Variants in ACSS3 observed in about 807,000 individuals in gnomAD.
The protein encoded by ACSS3 is acyl-CoA synthetase short chain family member 3.
A neutral mutation model predicts 84.2 loss-of-function variants in ACSS3; 64 were observed. The ratio of observed to expected loss-of-function variants is 0.76; its 90% CI spans 0.62 to 0.94. The LOEUF (loss-of-function observed/expected upper bound fraction) is 0.94. Ranked by LOEUF, ACSS3 falls within the 40% of genes least tolerant of loss-of-function variation. The pLI is 0.00. For synonymous variants in ACSS3, 317 were observed against 310.1 expected, an observed-to-expected ratio of 1.02 and a Z score of -0.23; for missense variants, 815 against 867.6, an observed-to-expected ratio of 0.94 and a Z score of 0.76.
At chr12:81,253,848 A>C (rs1380468407) in intron 15 of ACSS3, among the ~76,000 whole-genome samples, 178 bp downstream of exon 15, 2 of 152,182 alleles carry the variant, frequency 1.3e-5, no homozygotes, top group Non-Finnish European at 2.9e-5. Context: ...TGTAGGAATG[A>C]AGGTTTTGGA....
intron 11 of ACSS3, among the ~76,000 whole-genome samples, chr12:81,228,063 A>G (rs1189316346): frequency 6.6e-6 from 1 of 151,654 alleles, no homozygotes; most frequent in Admixed American, 6.6e-5. Context: ...TCTATTCTTA[A>G]TGATTAAGAT....
At chr12:81,202,384 A>C (rs2032151026) in intron 9 of ACSS3, among the ~76,000 whole-genome samples, 2 of 152,154 alleles carry the variant, frequency 1.3e-5, no homozygotes, top group African/African-American at 2.4e-5. Flanking sequence ...GTGAAAGGGC[A>C]AGTATGTTAT....
intron 1 of ACSS3, among the ~76,000 whole-genome samples, chr12:81,098,921 T>G (rs540362331): frequency 6.6e-6 from 1 of 152,324 alleles, no homozygotes; most frequent in South Asian, 2.1e-4. Flanking sequence ...TCATAGTTAT[T>G]GCAAACCAGT....
chr12:81,203,884 A>G lies in ACSS3; in HGVS notation c.1354+4440A>G, dbSNP rs182115889. On this transcript the variant is annotated intron_variant, in intron 9 of 15. Transcript: ENST00000548058. ...GATTATTGACTGAACTTTTCGTTTT[A>G]TTTTTTACCCAGAGATAGAGAAACA... Among the ~76,000 whole-genome samples the G allele has an allele frequency of 1.4e-3, 214 of 152,264 alleles. 1 individual carries two copies. Among genetic ancestry groups the G allele is most frequent in the African/African-American group, 5.0e-3 (206 of 41,568 alleles).
intron 8 of ACSS3, among the ~76,000 whole-genome samples, chr12:81,194,840 G>A (rs1215575007): frequency 3.4e-5 from 5 of 148,076 alleles, no homozygotes; most frequent in African/African-American, 9.7e-5. Flanking sequence ...TAGTTTGTGT[G>A]GTAGAGACTG....
At chr12:81,220,124 T>C in intron 11 of ACSS3, 48 bp downstream of exon 11, 1 of 1,233,552 alleles carries the variant, frequency 8.1e-7, no homozygotes, top group Middle Eastern at 2.0e-4. Context: ...AAAACTGGTG[T>C]ATATACTAAG....
At chr12:81,200,736 C>T (rs1430116071) in intron 9 of ACSS3, among the ~76,000 whole-genome samples, 1 of 151,766 alleles carries the variant, frequency 6.6e-6, no homozygotes, top group Non-Finnish European at 1.5e-5. Context: ...CCCATCTCTA[C>T]TTAAAATACA....
At chr12:81,142,013 T>C (rs1886117611) in intron 4 of ACSS3, among the ~76,000 whole-genome samples, 1 of 152,242 alleles carries the variant, frequency 6.6e-6, no homozygotes, top group African/African-American at 2.4e-5. Context: ...TATTGAAGTA[T>C]TAATTGGTAA....
chr12:81,139,381 T>A, intron 4 of ACSS3, 116 bp downstream of exon 4: 1 of 1,144,830 alleles, frequency 8.7e-7, no homozygotes, highest in Non-Finnish European at 1.2e-6. Context: ...CTGCTGAATG[T>A]TATTGTTATT....
intron 8 of ACSS3, among the ~76,000 whole-genome samples, chr12:81,181,916 C>T (rs12425311): frequency 0.11 from 16,736 of 151,630 alleles, 1,210 homozygotes; most frequent in Admixed American, 0.18. Flanking sequence ...ATTTATGGGA[C>T]GTCATTAAGT....
chr12:81,160,996 G>A (rs1003172262), intron 7 of ACSS3, among the ~76,000 whole-genome samples: 1 of 152,160 alleles, frequency 6.6e-6, no homozygotes, highest in Admixed American at 6.5e-5. Flanking sequence ...ATATAATAGT[G>A]TAATCAGTTC....
rs1261292290 is a variant in ACSS3, at chr12:81,259,368, A to G, written c.*4446A>G. On this transcript the variant is annotated 3_prime_UTR_variant, in exon 16 of 16. Coordinates refer to ENST00000548058, the MANE Select transcript of ACSS3 (RefSeq NM_024560.4). Reference sequence around the variant, plus strand: ...AATGCACGGTAATACATAAATGCCTAGTATATTACAATAAAACATGAAAAA... The same window carrying G: ...AATGCACGGTAATACATAAATGCCTGGTATATTACAATAAAACATGAAAAA... 5.1e-6 allele frequency: 3 copies of G among 594,038 alleles called. No homozygotes were observed. The highest frequency in any genetic ancestry group is 9.3e-6 in the Non-Finnish European group (3 of 323,398). The allele number at this position is 594,038 out of a possible 1,614,324, so 36.8% of individuals were successfully genotyped here.
At chr12:81,247,821 A>T (rs1419012918) in intron 13 of ACSS3, among the ~76,000 whole-genome samples, 1 of 152,044 alleles carries the variant, frequency 6.6e-6, no homozygotes, top group Admixed American at 6.5e-5. Context: ...CCCAAACCTT[A>T]CTATTTAACT....
intron 8 of ACSS3, among the ~76,000 whole-genome samples, chr12:81,181,746 G>GAAAAAA (rs1565708345): frequency 1.4e-4 from 1 of 7,204 alleles, no homozygotes; most frequent in Non-Finnish European, 3.0e-4. Context: ...AATCAATTAA[G>GAAAAAA]CAAAAAAAAA....
At chr12:81,099,984 C>A (rs574032643) in intron 1 of ACSS3, among the ~76,000 whole-genome samples, 57 of 152,202 alleles carry the variant, frequency 3.7e-4, no homozygotes, top group Non-Finnish European at 6.6e-4. Flanking sequence ...AATGTGTGAA[C>A]CAAATACATG....
chr12:81,213,605 C>CCAT (rs2032701551), intron 9 of ACSS3, among the ~76,000 whole-genome samples: 1 of 19,836 alleles, frequency 5.0e-5, no homozygotes, highest in Non-Finnish European at 9.6e-5. Context: ...CCCTCCCCTC[C>CCAT]CCTCCCCTCC....
intron 13 of ACSS3, among the ~76,000 whole-genome samples, chr12:81,245,187 C>T (rs544567317): frequency 4.6e-5 from 7 of 152,132 alleles, no homozygotes; most frequent in Admixed American, 1.3e-4. Context: ...TGAGGGCTGG[C>T]GCGGTGGCTC....
rs550727387 is a variant in ACSS3, at chr12:81,169,323, C to T, written c.1099-5465C>T. Among the ~76,000 whole-genome samples the T allele has an allele frequency of 2.6e-4, 39 of 152,186 alleles. 1 individual carries two copies. Among genetic ancestry groups the T allele is most frequent in the Middle Eastern group, 3.4e-3 (1 of 292 alleles). ...GGAGCGTCTGCCATAACACAAAGTC[C>T]TTCATCTGAGGATCTTAAGGCATAG... On this transcript the variant is annotated intron_variant, in intron 7 of 15. Transcript: ENST00000548058.
At chr12:81,131,393 T>C (rs1436014471) in intron 2 of ACSS3, among the ~76,000 whole-genome samples, 8 of 152,230 alleles carry the variant, frequency 5.3e-5, no homozygotes, top group Admixed American at 4.6e-4. Flanking sequence ...GAAGTAATTG[T>C]GAATGGGAAT....
Sources: allele counts gnomAD v4.1 joint callset (sites outside exome capture counted in the v4.1 genomes callset), GRCh38; gene constraint gnomAD v4.1.1; transcripts MANE v1.5; gene names NCBI Gene and HGNC (gene_info 2026-07-23, HGNC 2026-07-21).